The following HMBOX1 variants were observed in gnomAD, a reference collection of about 807,000 sequenced individuals.
HMBOX1 encodes homeobox-containing protein 1.
In HMBOX1, 14 loss-of-function variants were observed where a neutral mutation model predicts 54.5. The ratio of observed to expected loss-of-function variants is 0.26; its 90% CI spans 0.17 to 0.40. HMBOX1 has a LOEUF of 0.40. Ranked by LOEUF, HMBOX1 falls within the 10% of genes least tolerant of loss-of-function variation. The probability of loss-of-function intolerance (pLI) is 1.00; values close to 1 mark genes in which losing one functional copy is unlikely to be tolerated. For missense variants in HMBOX1, 332 were observed against 514.4 expected (o/e 0.65, Z 3.43); for synonymous variants, 160 against 181.0 (o/e 0.88, Z 0.93).
At chr8:29,009,880 G>A in intron 5 of HMBOX1, 1 of 1,134,596 alleles carries the variant, frequency 8.8e-7, no homozygotes, top group South Asian at 1.9e-5. Context: ...ACTTTACACA[G>A]GCAAGTGACA....
At chr8:28,951,513 G>C (rs2132127235) in intron 1 of HMBOX1, among the ~76,000 whole-genome samples, 1 of 152,198 alleles carries the variant, frequency 6.6e-6, no homozygotes, top group Non-Finnish European at 1.5e-5. Flanking sequence ...CCTGCTTAGA[G>C]GAAAAAGACA....
chr8:28,992,025 A>G (rs557185013), intron 4 of HMBOX1, among the ~76,000 whole-genome samples: 7 of 152,328 alleles, frequency 4.6e-5, no homozygotes, highest in East Asian at 3.9e-4. Context: ...TCATTTGCCA[A>G]TAGTCATGCA....
rs763632023 is a variant in HMBOX1, at chr8:28,905,287, T to C, written c.-58+14609T>C. ...TCAAAGTGAGTTCACTGAAAACTTCTACTTAAATAAGCCAAAAGAAAAACA... is the reference window on the plus strand; with the variant it reads ...TCAAAGTGAGTTCACTGAAAACTTCCACTTAAATAAGCCAAAAGAAAAACA... On this transcript the variant is annotated intron_variant, in intron 1 of 9. Coordinates refer to ENST00000287701, the MANE Select transcript of HMBOX1 (RefSeq NM_001135726.3). 7.4e-4 allele frequency among the ~76,000 whole-genome samples: 113 copies of C among 152,342 alleles called. 1 individual carries two copies. Among genetic ancestry groups the C allele is most frequent in the Non-Finnish European group, 1.6e-3 (109 of 68,034 alleles).
chr8:28,948,872 G>A (rs1372613586), intron 1 of HMBOX1, among the ~76,000 whole-genome samples: 1 of 152,002 alleles, frequency 6.6e-6, no homozygotes, highest in Non-Finnish European at 1.5e-5. Context: ...CTGGGGTAAG[G>A]GAAATGCAAA....
intron 1 of HMBOX1, among the ~76,000 whole-genome samples, chr8:28,899,477 A>G (rs1247280270): frequency 6.6e-6 from 1 of 152,202 alleles, no homozygotes. Flanking sequence ...AATGTCATTC[A>G]TCCCTGACAA....
upstream of HMBOX1, chr8:28,890,159 C>T: frequency 4.0e-6 from 2 of 498,214 alleles, no homozygotes; most frequent in South Asian, 4.2e-5. Context: ...CTCTCCACCC[C>T]AGCATGATAT....
At chr8:29,017,356 C>T (rs1835186378) in intron 5 of HMBOX1, among the ~76,000 whole-genome samples, 1 of 152,204 alleles carries the variant, frequency 6.6e-6, no homozygotes, top group South Asian at 2.1e-4. Flanking sequence ...TCTTGCTCAA[C>T]AACCTGTCAC....
At chr8:29,021,080 T>A (rs538375301) in intron 6 of HMBOX1, among the ~76,000 whole-genome samples, 88 of 152,238 alleles carry the variant, frequency 5.8e-4, no homozygotes, top group African/African-American at 2.1e-3. Flanking sequence ...GAGGCTGACA[T>A]GAGAGGATTG....
intron 1 of HMBOX1, among the ~76,000 whole-genome samples, chr8:28,899,238 A>G (rs1812745049): frequency 6.6e-6 from 1 of 152,216 alleles, no homozygotes; most frequent in Admixed American, 6.5e-5. Flanking sequence ...TCACTAACCT[A>G]CTAAGCATGA....
intron 4 of HMBOX1, among the ~76,000 whole-genome samples, chr8:29,007,886 T>A (rs1390603309): frequency 6.6e-6 from 1 of 152,120 alleles, no homozygotes; most frequent in Non-Finnish European, 1.5e-5. Flanking sequence ...CCCTCTCCCA[T>A]TTCCTCAAAT....
At chr8:28,924,357 C>T (rs1818066876) in intron 1 of HMBOX1, among the ~76,000 whole-genome samples, 1 of 151,970 alleles carries the variant, frequency 6.6e-6, no homozygotes, top group South Asian at 2.1e-4. Flanking sequence ...GATCTGCCCC[C>T]TCGGCCTCCC....
chr8:29,029,713 G>T (rs151067505), intron 6 of HMBOX1, among the ~76,000 whole-genome samples: 4 of 152,136 alleles, frequency 2.6e-5, no homozygotes, highest in Admixed American at 1.3e-4. Flanking sequence ...TTACGGTTAC[G>T]GGAACCGTAA....
At chr8:28,991,375 T>C (rs1830959767) in intron 4 of HMBOX1, among the ~76,000 whole-genome samples, 1 of 152,224 alleles carries the variant, frequency 6.6e-6, no homozygotes. Context: ...CCTTTCCTTA[T>C]GTCCTTGTGA....
chr8:28,939,317 A>G (rs921550947), intron 1 of HMBOX1, among the ~76,000 whole-genome samples: 1 of 151,940 alleles, frequency 6.6e-6, no homozygotes, highest in Non-Finnish European at 1.5e-5. Flanking sequence ...AAAGGAAAGA[A>G]CAAAACATGA....
rs916438798 is a variant in HMBOX1, at chr8:28,962,008, A to C, written c.-57-1803A>C. ...AAACTAGCCTTGAACTCCTGGCCTC[A>C]AGTAATCCTCCTGCCTCAACCTCCT... On this transcript the variant is annotated intron_variant, in intron 1 of 9. Coordinates refer to ENST00000287701, the MANE Select transcript of HMBOX1 (RefSeq NM_001135726.3). 2.7e-5 allele frequency among the ~76,000 whole-genome samples: 4 copies of C among 148,066 alleles called. No individual in the cohort carries two copies. The South Asian group carries it at 6.4e-4, about 24-fold the overall frequency.
At chr8:28,976,041 T>A (rs377451354) in intron 3 of HMBOX1, among the ~76,000 whole-genome samples, 14 of 152,222 alleles carry the variant, frequency 9.2e-5, no homozygotes, top group East Asian at 7.7e-4. Context: ...CTTAAGAGAA[T>A]TGGACACAAT....
intron 4 of HMBOX1, among the ~76,000 whole-genome samples, chr8:28,995,975 AG>A (rs1422570682): frequency 6.6e-6 from 1 of 151,990 alleles, no homozygotes; most frequent in Non-Finnish European, 1.5e-5. Flanking sequence ...GCGTGGTGGC[AG>A]GCGCCTTTAG....
At chr8:28,917,281 A>G (rs757641098) in intron 1 of HMBOX1, among the ~76,000 whole-genome samples, 3 of 152,116 alleles carry the variant, frequency 2.0e-5, no homozygotes, top group Admixed American at 6.6e-5. Flanking sequence ...TTCTTCATCT[A>G]TTTATTAGAC....
chr8:28,982,299 A>G (rs1200010348), intron 4 of HMBOX1, among the ~76,000 whole-genome samples: 1 of 152,198 alleles, frequency 6.6e-6, no homozygotes, highest in Non-Finnish European at 1.5e-5. Context: ...CATTTTAACC[A>G]GAAGCCCAGG....
Sources: allele counts gnomAD v4.1 joint callset (sites outside exome capture counted in the v4.1 genomes callset), GRCh38; gene constraint gnomAD v4.1.1; transcripts MANE v1.5; gene names NCBI Gene and HGNC (gene_info 2026-07-23, HGNC 2026-07-21).